SKAP1: variants seen among roughly 807,000 people sequenced by gnomAD.
SKAP1 encodes src kinase-associated phosphoprotein 1.
A neutral mutation model predicts 58.5 loss-of-function variants in SKAP1; 44 were observed. That is an observed-to-expected ratio of 0.75 (90% CI 0.59 to 0.97). The LOEUF is 0.97. SKAP1 is among the 50% of genes least tolerant of loss of function. The pLI, the probability that SKAP1 is intolerant of heterozygous loss-of-function variation, is 0.00. For missense variants in SKAP1, 390 were observed against 435.2 expected (o/e 0.90, Z 0.92); for synonymous variants, 127 against 149.7 (o/e 0.85, Z 1.11).
chr17:48,181,385 C>A (rs1173061362), intron 8 of SKAP1, among the ~76,000 whole-genome samples: 1 of 152,022 alleles, frequency 6.6e-6, no homozygotes, highest in Non-Finnish European at 1.5e-5. Context: ...CGCATAAATC[C>A]AAGGCACCTA....
intron 9 of SKAP1, among the ~76,000 whole-genome samples, chr17:48,178,432 T>C (rs1042030274): frequency 6.6e-6 from 1 of 152,142 alleles, no homozygotes; most frequent in African/African-American, 2.4e-5. Flanking sequence ...CTAGGAAGAT[T>C]CTGGCCAAGC....
chr17:48,175,116 C>T (rs1451068977), intron 9 of SKAP1, among the ~76,000 whole-genome samples: 1 of 152,142 alleles, frequency 6.6e-6, no homozygotes, highest in Non-Finnish European at 1.5e-5. Context: ...CAGAGAGGAG[C>T]CAGCAGCTTC....
chr17:48,290,529 G>T (rs1214436604), intron 4 of SKAP1, among the ~76,000 whole-genome samples: 1 of 152,160 alleles, frequency 6.6e-6, no homozygotes, highest in Non-Finnish European at 1.5e-5. Context: ...TCTGTTTTAT[G>T]TTCTTGAGGA....
intron 1 of SKAP1, among the ~76,000 whole-genome samples, chr17:48,406,332 T>A (rs1457103541): frequency 6.6e-6 from 1 of 151,116 alleles, no homozygotes; most frequent in African/African-American, 2.4e-5. Flanking sequence ...CCAAGGAAAA[T>A]TTATAAATAT....
chr17:48,217,294 T>C (rs913880307), intron 4 of SKAP1, among the ~76,000 whole-genome samples: 3 of 152,098 alleles, frequency 2.0e-5, no homozygotes, highest in Non-Finnish European at 2.9e-5. Context: ...GGTAACTTTA[T>C]CTCCCAGACA....
In SKAP1 at chr17:48,399,511, ACCTTTTGGGAGG is replaced by A. The variant is rs540282447; in HGVS notation, c.47-2738_47-2727del. Among the ~76,000 whole-genome samples, 20 of 152,194 alleles carry A rather than the reference ACCTTTTGGGAGG, an allele frequency of 1.3e-4. No individual in the cohort carries two copies. In the East Asian group the frequency reaches 3.5e-3, roughly 26 times the overall value. On this transcript the variant is annotated intron_variant, in intron 1 of 12. Coordinates refer to ENST00000336915, the MANE Select transcript of SKAP1 (RefSeq NM_003726.4). ...ATGGTGGCTCGTGCCTGTAATCCCAACCTTTTGGGAGGCCGAGGCAAGAGGATCACTTAAGGG... is the reference window on the plus strand; with the variant it reads ...ATGGTGGCTCGTGCCTGTAATCCCAACCGAGGCAAGAGGATCACTTAAGGG...
At chr17:48,348,523 C>A (rs2144339103) in intron 3 of SKAP1, among the ~76,000 whole-genome samples, 1 of 152,098 alleles carries the variant, frequency 6.6e-6, no homozygotes, top group South Asian at 2.1e-4. Context: ...ACATACCCTT[C>A]ACCCAGTTTC....
chr17:48,321,177 C>T (rs2066357289), intron 4 of SKAP1, among the ~76,000 whole-genome samples: 2 of 152,006 alleles, frequency 1.3e-5, no homozygotes, highest in Admixed American at 6.6e-5. Flanking sequence ...TCTAATTACC[C>T]AAAAGCAAAG....
rs529460003 is a variant in SKAP1 at position 48,405,799 on chromosome 17, C to T, written c.47-9014G>A. Among the ~76,000 whole-genome samples, 15 of 151,600 alleles carry T rather than the reference C, an allele frequency of 9.9e-5. No individual in the cohort carries two copies. The East Asian group carries it at 2.0e-3, about 20-fold the overall frequency. On this transcript the variant is annotated intron_variant, in intron 1 of 12. Transcript: ENST00000336915. ...AGGTGTGAGCCACCGTGCCTGGCCC[C>T]GAGTGTGCATTTTACACTTATATCT...
chr17:48,347,405 C>T (rs1567877266), intron 3 of SKAP1, among the ~76,000 whole-genome samples: 1 of 152,066 alleles, frequency 6.6e-6, no homozygotes, highest in African/African-American at 2.4e-5. Flanking sequence ...GGTTTATTTC[C>T]TACAATTAAA....
intron 2 of SKAP1, among the ~76,000 whole-genome samples, chr17:48,391,658 G>A (rs1324676152): frequency 6.6e-6 from 1 of 152,140 alleles, no homozygotes; most frequent in Non-Finnish European, 1.5e-5. Context: ...AGGATGGGAG[G>A]GAGGGATAAG....
chr17:48,186,532 G>A (rs1242451585), intron 6 of SKAP1, among the ~76,000 whole-genome samples: 1 of 151,830 alleles, frequency 6.6e-6, no homozygotes, highest in African/African-American at 2.4e-5. Flanking sequence ...GTTGCCCAGG[G>A]TGGAGTGCAG....
chr17:48,355,969 A>C (rs1389253845), intron 3 of SKAP1, among the ~76,000 whole-genome samples: 1 of 152,162 alleles, frequency 6.6e-6, no homozygotes, highest in Non-Finnish European at 1.5e-5. Context: ...TTTCAAAATA[A>C]ATAGGCCAGG....
intron 4 of SKAP1, among the ~76,000 whole-genome samples, chr17:48,320,833 T>C (rs1394128448): frequency 2.0e-5 from 3 of 152,118 alleles, no homozygotes; most frequent in Non-Finnish European, 4.4e-5. Context: ...ATGAATAAAA[T>C]TCCTAGATAC....
chr17:48,354,905 C>T (rs2066855456), intron 3 of SKAP1, among the ~76,000 whole-genome samples: 1 of 152,146 alleles, frequency 6.6e-6, no homozygotes, highest in Admixed American at 6.5e-5. Context: ...CTACACTTTT[C>T]TCTCAATATT....
At chr17:48,360,474 T>C (rs1443659844) in intron 3 of SKAP1, among the ~76,000 whole-genome samples, 1 of 152,138 alleles carries the variant, frequency 6.6e-6, no homozygotes, top group Admixed American at 6.5e-5. Flanking sequence ...AGATATTGAT[T>C]ACTGAAATTA....
intron 11 of SKAP1, among the ~76,000 whole-genome samples, chr17:48,156,698 T>C (rs1292063198): frequency 2.6e-5 from 4 of 152,228 alleles, no homozygotes; most frequent in Admixed American, 2.6e-4. Flanking sequence ...AAGGAATGCA[T>C]GGATGTGATG....
intron 11 of SKAP1, among the ~76,000 whole-genome samples, chr17:48,149,554 G>A (rs890198965): frequency 2.6e-5 from 4 of 152,204 alleles, no homozygotes; most frequent in East Asian, 1.9e-4. Flanking sequence ...ACACATAGGC[G>A]TTTCCATGAC....
At chr17:48,362,293 CTT>C (rs995779882) in intron 3 of SKAP1, among the ~76,000 whole-genome samples, 8 of 152,216 alleles carry the variant, frequency 5.3e-5, no homozygotes, top group Non-Finnish European at 1.2e-4. Flanking sequence ...CATATAGTCT[CTT>C]GTGTTAAGCT....
Sources: allele counts gnomAD v4.1 joint callset (sites outside exome capture counted in the v4.1 genomes callset), GRCh38; gene constraint gnomAD v4.1.1; transcripts MANE v1.5; gene names NCBI Gene and HGNC (gene_info 2026-07-23, HGNC 2026-07-21).